Variants in ADORA2B observed in about 807,000 individuals in gnomAD.
The protein encoded by ADORA2B is adenosine receptor A2b.
Under a neutral mutation model 20.8 loss-of-function variants are expected in ADORA2B, and 18 were observed. That is an observed-to-expected ratio of 0.87 (90% CI 0.60 to 1.29). The LOEUF is 1.29. ADORA2B is among the 50% of genes most tolerant of loss of function. The probability of loss-of-function intolerance (pLI) is 0.00; values close to 1 mark genes in which losing one functional copy is unlikely to be tolerated. For missense variants in ADORA2B, 441 were observed against 422.7 expected (o/e 1.04, Z -0.38); for synonymous variants, 179 against 178.3 (o/e 1.00, Z -0.03).
At chr17:15,912,485 T>A in the ADORA2B span, among the ~76,000 whole-genome samples, 3 of 152,122 alleles carry the variant, frequency 2.0e-5, no homozygotes, top group African/African-American at 7.2e-5. Context: ...AGCCTTTTTC[T>A]CCCTAGGGCC....
chr17:15,942,020 A>G (rs1295708661), upstream of ADORA2B, among the ~76,000 whole-genome samples: 1 of 152,040 alleles, frequency 6.6e-6, no homozygotes, highest in Non-Finnish European at 1.5e-5. Context: ...CGGAGAAGGG[A>G]AAGCTTTGCT....
At chr17:15,973,160 T>C (rs543183404) in intron 1 of ADORA2B, among the ~76,000 whole-genome samples, 2 of 152,286 alleles carry the variant, frequency 1.3e-5, no homozygotes, top group South Asian at 4.1e-4. Flanking sequence ...GCAAATGTCT[T>C]GTGGTGTTTG....
At chr17:15,895,894 T>C in the ADORA2B span, among the ~76,000 whole-genome samples, 387 of 152,198 alleles carry the variant, frequency 2.5e-3, 1 homozygote, top group African/African-American at 8.5e-3. Context: ...ATAAACACAG[T>C]GTTAGTACCA....
chr17:15,902,442 C>G, the ADORA2B span, among the ~76,000 whole-genome samples: 2 of 152,220 alleles, frequency 1.3e-5, no homozygotes, highest in Admixed American at 1.3e-4. Context: ...AGGTAATCCA[C>G]CTGCCTCAGG....
chr17:15,904,612 A>G, the ADORA2B span, among the ~76,000 whole-genome samples: 1 of 149,190 alleles, frequency 6.7e-6, no homozygotes, highest in Non-Finnish European at 1.5e-5. Context: ...TTCTGACGTC[A>G]TGATCTGCCC....
the ADORA2B span, among the ~76,000 whole-genome samples, chr17:15,894,428 G>C: frequency 5.9e-5 from 9 of 152,318 alleles, no homozygotes; most frequent in South Asian, 1.9e-3. Context: ...CCAGGGCGAA[G>C]GAGTAGCTGC....
chr17:15,955,022 G>A (rs1186173648), intron 1 of ADORA2B, among the ~76,000 whole-genome samples: 5 of 152,002 alleles, frequency 3.3e-5, no homozygotes, highest in African/African-American at 1.2e-4. Flanking sequence ...CATTGAGGAT[G>A]GCACTAGTAG....
chr17:15,892,057 C>T, the ADORA2B span, among the ~76,000 whole-genome samples: 1 of 148,128 alleles, frequency 6.8e-6, no homozygotes, highest in African/African-American at 2.5e-5. Flanking sequence ...GACGAGGTTT[C>T]CCCATGTTGG....
the ADORA2B span, among the ~76,000 whole-genome samples, chr17:15,877,091 T>G: frequency 2.6e-5 from 4 of 152,348 alleles, no homozygotes; most frequent in East Asian, 7.7e-4. Flanking sequence ...TCATTTCTTT[T>G]TAAGGCTGAA....
At chr17:15,868,124 G>A in the ADORA2B span, among the ~76,000 whole-genome samples, 1 of 143,700 alleles carries the variant, frequency 7.0e-6, no homozygotes, top group Non-Finnish European at 1.5e-5. Flanking sequence ...GGGTTGAATG[G>A]ATTAAGGGCG....
the ADORA2B span, chr17:15,908,557 C>G: frequency 0.32 from 58,918 of 183,392 alleles, 10,246 homozygotes; most frequent in African/African-American, 0.46. Context: ...ACAGCAAGGT[C>G]CTGAACACAG....
Position 15,945,493 on chromosome 17 carries a change from C to T in ADORA2B, c.245C>T (p.Ala82Val). Reference sequence around the variant, plus strand: ...GACTTCTACGGCTGCCTCTTCCTCGCCTGCTTCGTGCTGGTGCTCACGCAG... The same window carrying T: ...GACTTCTACGGCTGCCTCTTCCTCGTCTGCTTCGTGCTGGTGCTCACGCAG... Reference protein sequence around the residue: ...CTDFYGCLFLACFVLVLTQSS... With the variant: ...CTDFYGCLFLVCFVLVLTQSS... The change falls in exon 1 of 2, where the codon GCC becomes GTC. Residue 82 changes from alanine (A) to valine (V), a missense_variant. Coordinates refer to ENST00000304222, the MANE Select transcript of ADORA2B (RefSeq NM_000676.4). The T allele has an allele frequency of 6.2e-7, 1 of 1,612,374 alleles. No individual in the cohort carries two copies. Among genetic ancestry groups the T allele is most frequent in the Admixed American group, 1.7e-5 (1 of 59,962 alleles).
At chr17:15,964,786 G>A (rs908662492) in intron 1 of ADORA2B, among the ~76,000 whole-genome samples, 2 of 151,506 alleles carry the variant, frequency 1.3e-5, no homozygotes, top group Non-Finnish European at 2.9e-5. Flanking sequence ...ATCTGGCCGG[G>A]CGCGGTGGCT....
At chr17:15,935,055 C>T in the ADORA2B span, among the ~76,000 whole-genome samples, 22 of 152,196 alleles carry the variant, frequency 1.4e-4, no homozygotes, top group Non-Finnish European at 2.8e-4. Flanking sequence ...GATCCGCACA[C>T]TCTGGCCTCC....
the ADORA2B span, among the ~76,000 whole-genome samples, chr17:15,921,091 C>A: frequency 2.0e-5 from 3 of 152,204 alleles, no homozygotes; most frequent in Non-Finnish European, 4.4e-5. Flanking sequence ...GTGGGGCACC[C>A]GTGTGAGTTT....
the ADORA2B span, among the ~76,000 whole-genome samples, chr17:15,874,121 C>T: frequency 1.2e-4 from 11 of 91,584 alleles, no homozygotes; most frequent in Non-Finnish European, 3.1e-4. Flanking sequence ...TATACATACA[C>T]ACACACACAC....
the ADORA2B span, among the ~76,000 whole-genome samples, chr17:15,937,467 G>A: frequency 6.6e-6 from 1 of 152,104 alleles, no homozygotes; most frequent in Non-Finnish European, 1.5e-5. Flanking sequence ...CAGCCCCAAA[G>A]TCAGCCAAAG....
At chr17:15,973,118 G>C (rs1173209290) in intron 1 of ADORA2B, among the ~76,000 whole-genome samples, 2 of 152,196 alleles carry the variant, frequency 1.3e-5, no homozygotes, top group African/African-American at 4.8e-5. Context: ...GTCTGCAGAG[G>C]TATTCAGAAA....
chr17:15,924,935 C>T, the ADORA2B span, among the ~76,000 whole-genome samples: 4 of 151,254 alleles, frequency 2.6e-5, no homozygotes, highest in South Asian at 2.1e-4. Flanking sequence ...AGTGCAGTAG[C>T]GTGATCATAG....
Sources: gnomAD v4.1 joint callset for allele counts (sites outside exome capture counted in the v4.1 genomes callset) on GRCh38, gnomAD v4.1.1 for gene constraint, MANE v1.5 for transcripts, NCBI Gene and HGNC (gene_info 2026-07-23, HGNC 2026-07-21) for gene names.